WDFY3: variants seen among roughly 807,000 people sequenced by gnomAD.
The protein encoded by WDFY3 is WD repeat and FYVE domain containing 3, also known as WD repeat and FYVE domain-containing protein 3.
WDFY3 carries 66 observed loss-of-function variants against 409.6 expected under a neutral mutation model. That is an observed-to-expected ratio of 0.16 (90% CI 0.13 to 0.20). The LOEUF (loss-of-function observed/expected upper bound fraction) is 0.20, where lower values mean the gene tolerates loss of function less well. Among genes scored for constraint, WDFY3 ranks in the 10% least tolerant of loss-of-function variants. The probability of loss-of-function intolerance (pLI) is 1.00; values close to 1 mark genes in which losing one functional copy is unlikely to be tolerated. For missense variants in WDFY3, 3,031 were observed against 4,298.1 expected (o/e 0.71, Z 8.24); for synonymous variants, 1,521 against 1,537.1 (o/e 0.99, Z 0.25).
At chr4:84,874,135 C>G (rs1009527166) in intron 3 of WDFY3, among the ~76,000 whole-genome samples, 2 of 151,512 alleles carry the variant, frequency 1.3e-5, no homozygotes, top group Non-Finnish European at 2.9e-5. Context: ...AAGCAGAGAC[C>G]GGGCGAGGTG....
intron 3 of WDFY3, among the ~76,000 whole-genome samples, chr4:84,890,950 C>T (rs1764869128): frequency 6.6e-6 from 1 of 152,152 alleles, no homozygotes; most frequent in African/African-American, 2.4e-5. Context: ...CCACTGTGCC[C>T]ATTGTGAATT....
chr4:84,864,456 C>T (rs781390513), intron 3 of WDFY3, among the ~76,000 whole-genome samples: 4 of 151,256 alleles, frequency 2.6e-5, no homozygotes, highest in East Asian at 1.9e-4. Context: ...TTCGGTAGTA[C>T]GAACATTGTA....
chr4:84,873,783 T>C (rs541687446), intron 3 of WDFY3, among the ~76,000 whole-genome samples: 17 of 151,592 alleles, frequency 1.1e-4, no homozygotes, highest in South Asian at 8.3e-4. Flanking sequence ...GTTTTTTTTT[T>C]GTTTGTTTGT....
At chr4:84,789,934 A>G in intron 21 of WDFY3, 27 bp from the exon 22 acceptor site, 1 of 1,609,870 alleles carries the variant, frequency 6.2e-7, no homozygotes, top group Non-Finnish European at 8.5e-7. Context: ...AAGACATAAA[A>G]ACTTTTTCCA....
intron 67 of WDFY3, among the ~76,000 whole-genome samples, chr4:84,674,955 T>C (rs1726016939): frequency 6.6e-6 from 1 of 151,260 alleles, no homozygotes; most frequent in African/African-American, 2.4e-5. Flanking sequence ...AAACCCATTA[T>C]GGGTTTTTAA....
intron 22 of WDFY3, among the ~76,000 whole-genome samples, chr4:84,788,772 C>G (rs1250247044): frequency 6.6e-6 from 1 of 152,200 alleles, no homozygotes; most frequent in Admixed American, 6.5e-5. Flanking sequence ...TATATCCCAG[C>G]ATTTTGGGAG....
chr4:84,775,047 G>T lies in WDFY3; in HGVS notation c.4592+18C>A. On this transcript the variant is annotated intron_variant, in intron 28 of 67. Transcript: ENST00000295888. The stretch of plus-strand genomic sequence containing the variant: ...TTTCTATAGCTGAATAATTAACTAC[G>T]TGGGTATTAATTAATACCTGGACTC... 2 of 1,612,156 alleles carry T rather than the reference G, an allele frequency of 1.2e-6. No individual in the cohort carries two copies. Among genetic ancestry groups the T allele is most frequent in the East Asian group, 2.2e-5 (1 of 44,820 alleles).
At chr4:84,808,679 G>A (rs151198610) in intron 14 of WDFY3, among the ~76,000 whole-genome samples, 1 of 152,132 alleles carries the variant, frequency 6.6e-6, no homozygotes, top group African/African-American at 2.4e-5. Context: ...TTTTGACAGT[G>A]ACTAAAAATG....
At chr4:84,743,652 G>C in intron 37 of WDFY3, 48 bp downstream of exon 37, 1 of 1,433,078 alleles carries the variant, frequency 7.0e-7, no homozygotes, top group Non-Finnish European at 9.4e-7. Flanking sequence ...GGGGCTTAGA[G>C]AGGAAAGTGA....
chr4:84,749,057 CT>C (rs1055250943), intron 36 of WDFY3, among the ~76,000 whole-genome samples: 1 of 152,030 alleles, frequency 6.6e-6, no homozygotes, highest in African/African-American at 2.4e-5. Context: ...CTGGCTATGG[CT>C]AATTTTTTTG....
At chr4:84,936,377 T>A in intron 1 of WDFY3, among the ~76,000 whole-genome samples, 1 of 152,002 alleles carries the variant, frequency 6.6e-6, no homozygotes, top group East Asian at 1.9e-4. Context: ...AAAAATTAGC[T>A]GGGCATGGTG....
chr4:84,746,145 CAAAAAA>C (rs761664622), intron 36 of WDFY3, among the ~76,000 whole-genome samples: 2 of 60,632 alleles, frequency 3.3e-5, no homozygotes, highest in African/African-American at 1.3e-4. Context: ...CTGTCTCTAC[CAAAAAA>C]AAAAAAAAAA....
chr4:84,908,413 A>G (rs956118060), intron 2 of WDFY3, among the ~76,000 whole-genome samples: 17 of 152,234 alleles, frequency 1.1e-4, no homozygotes, highest in Non-Finnish European at 2.2e-4. Flanking sequence ...TAATATGCAA[A>G]TATTCAGAAC....
intron 1 of WDFY3, among the ~76,000 whole-genome samples, chr4:84,938,628 T>A (rs1004149271): frequency 1.3e-5 from 2 of 152,134 alleles, no homozygotes; most frequent in African/African-American, 4.8e-5. Flanking sequence ...AGTCTAAAAA[T>A]AAAGGGCAGA....
At chr4:84,905,314 C>A (rs1311007293) in intron 2 of WDFY3, among the ~76,000 whole-genome samples, 1 of 152,116 alleles carries the variant, frequency 6.6e-6, no homozygotes, top group East Asian at 1.9e-4. Context: ...CCAGCCTGGG[C>A]GACAGAGTGA....
chr4:84,808,831 T>C (rs1392996840), intron 14 of WDFY3: 1 of 152,436 alleles, frequency 6.6e-6, no homozygotes, highest in Non-Finnish European at 1.5e-5. Context: ...TACTTCAAGA[T>C]AGGGAAAAGC....
chr4:84,960,332 T>C (rs1244542990), intron 1 of WDFY3, among the ~76,000 whole-genome samples: 16 of 152,158 alleles, frequency 1.1e-4, no homozygotes, highest in African/African-American at 3.1e-4. Flanking sequence ...CTGAGTTCCA[T>C]GCCCACCCCA....
At chr4:84,733,692 A>G in intron 43 of WDFY3, 83 bp from the exon 44 acceptor site, 1 of 1,310,746 alleles carries the variant, frequency 7.6e-7, no homozygotes, top group Non-Finnish European at 1.1e-6. Context: ...AAATCAAGTT[A>G]TTATTTGGAA....
chr4:84,897,992 C>A (rs184379544), intron 2 of WDFY3, among the ~76,000 whole-genome samples: 1 of 152,188 alleles, frequency 6.6e-6, no homozygotes, highest in Non-Finnish European at 1.5e-5. Context: ...AAATTCCTAA[C>A]AATGACATTC....
Sources: gnomAD v4.1 joint callset for allele counts (sites outside exome capture counted in the v4.1 genomes callset) on GRCh38, gnomAD v4.1.1 for gene constraint, MANE v1.5 for transcripts, NCBI Gene and HGNC (gene_info 2026-07-23, HGNC 2026-07-21) for gene names.